Variants in CACTIN observed in about 807,000 individuals in gnomAD.
CACTIN encodes splicing factor Cactin.
Under a neutral mutation model 84.9 loss-of-function variants are expected in CACTIN, and 20 were observed. The ratio of observed to expected loss-of-function variants is 0.24; its 90% CI spans 0.17 to 0.34. The LOEUF (loss-of-function observed/expected upper bound fraction) is 0.34. Among genes scored for constraint, CACTIN ranks in the 10% least tolerant of loss-of-function variants. CACTIN has a pLI of 1.00. For missense variants in CACTIN, 897 were observed against 1,117.2 expected (o/e 0.80, Z 2.81); for synonymous variants, 549 against 467.9 (o/e 1.17, Z -2.24).
rs1307872868 is a variant in CACTIN, at chr19:3,611,431, G to A, written c.*492C>T. The stretch of plus-strand genomic sequence containing the variant: ...CCCACAGCCGCGGGCTCTGCCTCAC[G>A]CCCAGTGGGTGCCCCGTGATGTGGC... On this transcript the variant is annotated 3_prime_UTR_variant, in exon 10 of 10. Coordinates refer to ENST00000429344, the MANE Select transcript of CACTIN (RefSeq NM_001080543.2). The A allele has an allele frequency of 7.3e-6, 3 of 410,446 alleles. No homozygotes were observed. Among genetic ancestry groups the A allele is most frequent in the African/African-American group, 2.1e-5 (1 of 47,206 alleles). 25.4% of individuals were successfully genotyped at this position (410,446 alleles called of 1,614,324 possible). A position where few individuals can be genotyped will look rare whatever the true frequency, so the allele number is the denominator to read the frequency against.
chr19:3,620,619 C>G (rs1486640098), intron 3 of CACTIN, 88 bp downstream of exon 3: 1 of 1,059,306 alleles, frequency 9.4e-7, no homozygotes, highest in Admixed American at 2.5e-5. Context: ...GGACTTCCCA[C>G]TTAAGCCCCT....
chr19:3,620,517 C>T (rs1452975927), intron 3 of CACTIN, 190 bp downstream of exon 3: 4 of 663,670 alleles, frequency 6.0e-6, no homozygotes, highest in Middle Eastern at 3.9e-4. Flanking sequence ...AGTGAAGGCC[C>T]GAGGCCAGCA....
intron 2 of CACTIN, among the ~76,000 whole-genome samples, chr19:3,621,402 C>A (rs760645177): frequency 6.6e-6 from 1 of 152,234 alleles, no homozygotes; most frequent in South Asian, 2.1e-4. Flanking sequence ...TGGCGCGGAG[C>A]CCCCACTTCC....
intron 7 of CACTIN, chr19:3,613,943 A>C: frequency 2.4e-6 from 1 of 422,188 alleles, no homozygotes; most frequent in Non-Finnish European, 4.3e-6. Flanking sequence ...CAGAGGAGAC[A>C]TGTATTTACA....
Position 3,620,190 on chromosome 19 carries a change from G to T in CACTIN, c.821C>A (p.Ala274Glu). 6.2e-7 allele frequency: 1 copy of T among 1,611,298 alleles called. No homozygotes were observed. Residue 274 changes from alanine to glutamate, a missense_variant, in exon 4 of 10, where the codon GCA (alanine) becomes GAA (glutamate). Physicochemically the swap from Ala to Glu is moderately radical, Grantham distance 107. Transcript: ENST00000429344. ...ELEMLQREKE[A>E]EHFKTWEEQE... ...CTCCTCCCATGTCTTGAAGTGCTCT[G>T]CCTCCTTCTCGCGCTGCAGCATCTC...
rs1451053631 is a variant in CACTIN, at chr19:3,612,002, C to T, written c.2198G>A (p.Arg733His). 1.2e-6 allele frequency: 2 copies of T among 1,613,640 alleles called. No homozygotes were observed. Among genetic ancestry groups the T allele is most frequent in the Non-Finnish European group, 1.7e-6 (2 of 1,179,894 alleles). Reference sequence around the variant, plus strand: ...GGCAAACTGGCAGCGGAAGCCGTGGCGGTGCGAGTATTCCCACTCGCGGTT... The same window carrying T: ...GGCAAACTGGCAGCGGAAGCCGTGGTGGTGCGAGTATTCCCACTCGCGGTT... ...IVNREWEYSHRHGFRCQFANG... is the reference protein window; with the variant it reads ...IVNREWEYSHHHGFRCQFANG... Residue 733 changes from arginine (R) to histidine (H), a missense_variant, in exon 10 of 10, where the codon CGC becomes CAC. Coordinates refer to ENST00000429344, the MANE Select transcript of CACTIN (RefSeq NM_001080543.2).
At chr19:3,614,332 CAGG>C in intron 7 of CACTIN, 62 bp downstream of exon 7, 1 of 1,484,024 alleles carries the variant, frequency 6.7e-7, no homozygotes, top group Non-Finnish European at 9.1e-7. Context: ...ACCCAGGACT[CAGG>C]AGGGGGCGAA....
chr19:3,613,595 C>T lies in CACTIN; in HGVS notation c.1356-9G>A, dbSNP rs374135687. Reference sequence around the variant, plus strand: ...GGTGGCGCTCACGCAGCCTGGGACGCAGAGCCGGGGTCACCCGCATGGAGG... The same window carrying T: ...GGTGGCGCTCACGCAGCCTGGGACGTAGAGCCGGGGTCACCCGCATGGAGG... On this transcript the variant is annotated splice_polypyrimidine_tract_variant and intron_variant, in intron 7 of 9. Coordinates refer to ENST00000429344, the MANE Select transcript of CACTIN (RefSeq NM_001080543.2). The T allele has an allele frequency of 8.0e-4, 1,279 of 1,598,100 alleles. 1 individual carries two copies. The highest frequency in any genetic ancestry group is 1.0e-3 in the Non-Finnish European group (1,198 of 1,177,894).
At chr19:3,613,430 G>T in intron 8 of CACTIN, 34 bp downstream of exon 8, 1 of 1,551,242 alleles carries the variant, frequency 6.4e-7, no homozygotes, top group South Asian at 1.2e-5. Flanking sequence ...CTCCGCGTCT[G>T]CATCGGCGTC....
chr19:3,619,991 G>T, intron 4 of CACTIN, 136 bp downstream of exon 4: 2 of 1,024,744 alleles, frequency 2.0e-6, no homozygotes, highest in Non-Finnish European at 2.8e-6. Flanking sequence ...GCCCGGGAAG[G>T]GGTCAGGAAG....
rs943539348 is a variant in CACTIN at position 3,613,975 on chromosome 19, A to C, written c.1356-389T>G. On this transcript the variant is annotated intron_variant, in intron 7 of 9. Coordinates refer to ENST00000429344, the MANE Select transcript of CACTIN (RefSeq NM_001080543.2). ...TACACAGCGGTGCCAAAAACACTCC[A>C]GAAATCTGTACACAGCCAGAGGCCG... The C allele has an allele frequency of 7.3e-6, 3 of 412,786 alleles. No homozygotes were observed. The East Asian group carries it at 1.4e-4, about 19-fold the overall frequency. 25.6% of individuals were successfully genotyped at this position (412,786 alleles called of 1,614,324 possible). A position where few individuals can be genotyped will look rare whatever the true frequency, so the allele number is the denominator to read the frequency against.
rs983351245 is a variant in CACTIN at position 3,611,763 on chromosome 19, T to C, written c.*160A>G. On this transcript the variant is annotated 3_prime_UTR_variant, in exon 10 of 10. Transcript: ENST00000429344. ...GCTCAATGGTGACCCCCCTTTTATA[T>C]AGGAGGAAACTGAGGCCTGGCGAAA... is the stretch of plus-strand genomic sequence containing the variant. The C allele has an allele frequency of 4.3e-6, 4 of 922,064 alleles. No individual in the cohort carries two copies. In the Admixed American group the frequency reaches 6.1e-5, roughly 14 times the overall value. The allele number at this position is 922,064 out of a possible 1,614,324, so 57.1% of individuals were successfully genotyped here.
chr19:3,626,424 G>A (rs757317423), intron 1 of CACTIN, among the ~76,000 whole-genome samples, 172 bp downstream of exon 1: 4 of 152,288 alleles, frequency 2.6e-5, no homozygotes, highest in African/African-American at 9.6e-5. Flanking sequence ...AACGCCTCTC[G>A]CCTTCCTTCC....
chr19:3,621,881 C>T (rs1236214875), intron 2 of CACTIN, among the ~76,000 whole-genome samples: 4 of 152,154 alleles, frequency 2.6e-5, no homozygotes, highest in South Asian at 4.1e-4. Context: ...TGTTCTCAGA[C>T]GACATCGGGC....
Position 3,623,841 on chromosome 19 carries a change from G to C in CACTIN, c.489C>G (p.Pro163=), listed in dbSNP as rs758444035. Residue 163 remains proline, a synonymous_variant, in exon 2 of 10, where the codon CCC becomes CCG. Transcript: ENST00000429344. ...CCAGCCGCCGTGCGCGCTTCTCCTC[G>C]GGCGTCTCGAAGGCCTTCATCAGCT... The part of the protein sequence containing the change: ...QEELMKAFET[P]EEKRARRLAK... The C allele has an allele frequency of 6.2e-7, 1 of 1,612,102 alleles. No homozygotes were observed. The highest frequency in any genetic ancestry group is 8.5e-7 in the Non-Finnish European group (1 of 1,179,872).
chr19:3,618,047 G>C (rs915230206), intron 6 of CACTIN, among the ~76,000 whole-genome samples: 4 of 152,212 alleles, frequency 2.6e-5, no homozygotes, highest in Admixed American at 2.0e-4. Flanking sequence ...GCCTGAGAGG[G>C]AGGGCAGGGG....
Position 3,611,682 on chromosome 19 carries a change from T to C in CACTIN, c.*241A>G, listed in dbSNP as rs1374515233. 3.5e-6 allele frequency: 2 copies of C among 570,850 alleles called. No individual in the cohort carries two copies. Among genetic ancestry groups the C allele is most frequent in the Admixed American group, 3.0e-5 (1 of 33,284 alleles). The allele number at this position is 570,850 out of a possible 1,614,324, so 35.4% of individuals were successfully genotyped here. ...AAAGATGCCCCTAGCGCCCCCTCCG[T>C]TGCATCAGGACCCTAGGCCAGCCTG... On this transcript the variant is annotated 3_prime_UTR_variant, in exon 10 of 10. Transcript: ENST00000429344.
At chr19:3,619,773 C>T (rs1056370246) in intron 4 of CACTIN, among the ~76,000 whole-genome samples, 2 of 152,126 alleles carry the variant, frequency 1.3e-5, no homozygotes, top group African/African-American at 2.4e-5. Context: ...TCACCCGCCA[C>T]GGGGCCCAAG....
chr19:3,622,463 A>G (rs1340423296), intron 2 of CACTIN, among the ~76,000 whole-genome samples: 3 of 151,704 alleles, frequency 2.0e-5, no homozygotes, highest in Non-Finnish European at 2.9e-5. Context: ...TGGTGTCCTC[A>G]TGGGAAGAGG....
Sources: gnomAD v4.1 joint callset for allele counts (sites outside exome capture counted in the v4.1 genomes callset) on GRCh38, gnomAD v4.1.1 for gene constraint, MANE v1.5 for transcripts, NCBI Gene and HGNC (gene_info 2026-07-23, HGNC 2026-07-21) for gene names.